KIAA1328: variants seen among roughly 807,000 people sequenced by gnomAD.
The protein encoded by KIAA1328 is KIAA1328, also known as protein hinderin.
KIAA1328 carries 52 observed loss-of-function variants against 68.1 expected under a neutral mutation model. The ratio of observed to expected loss-of-function variants is 0.76; its 90% CI spans 0.61 to 0.96. The LOEUF is 0.96. Ranked by LOEUF, KIAA1328 falls within the 40% of genes least tolerant of loss-of-function variation. The pLI is 0.00. For missense variants in KIAA1328, 641 were observed against 677.6 expected (o/e 0.95, Z 0.60); for synonymous variants, 232 against 239.4 (o/e 0.97, Z 0.28).
At chr18:37,012,255 C>A (rs2054004453) in intron 6 of KIAA1328, among the ~76,000 whole-genome samples, 1 of 152,098 alleles carries the variant, frequency 6.6e-6, no homozygotes, top group Admixed American at 6.6e-5. Flanking sequence ...TTTCTGAACA[C>A]CCAGGAAACT....
intron 7 of KIAA1328, among the ~76,000 whole-genome samples, chr18:37,104,185 G>T (rs752987358): frequency 2.0e-5 from 3 of 152,128 alleles, no homozygotes; most frequent in Non-Finnish European, 4.4e-5. Flanking sequence ...CCAAAGGAAA[G>T]GAAATCAGTT....
intron 6 of KIAA1328, among the ~76,000 whole-genome samples, chr18:37,035,542 G>T (rs956211580): frequency 1.3e-5 from 2 of 152,112 alleles, no homozygotes; most frequent in African/African-American, 4.8e-5. Flanking sequence ...GGGCAGATAG[G>T]ATTAGAAATA....
At chr18:36,986,240 A>G (rs2052918463) in intron 6 of KIAA1328, among the ~76,000 whole-genome samples, 1 of 152,142 alleles carries the variant, frequency 6.6e-6, no homozygotes, top group Admixed American at 6.5e-5. Context: ...ATATCTATAT[A>G]ATGGAAAACT....
chr18:36,923,617 C>T (rs569898516), intron 5 of KIAA1328, among the ~76,000 whole-genome samples: 6 of 152,108 alleles, frequency 3.9e-5, no homozygotes, highest in African/African-American at 9.6e-5. Flanking sequence ...AACCAGCAAG[C>T]GAAGTGTAAA....
chr18:37,107,480 C>T (rs1038686697), intron 7 of KIAA1328, among the ~76,000 whole-genome samples: 1 of 152,102 alleles, frequency 6.6e-6, no homozygotes, highest in Non-Finnish European at 1.5e-5. Flanking sequence ...TTGATCCTTC[C>T]AGCCCATGAG....
chr18:37,172,918 C>A, intron 8 of KIAA1328, 55 bp from the exon 9 acceptor site: 1 of 1,348,894 alleles, frequency 7.4e-7, no homozygotes, highest in South Asian at 1.2e-5. Flanking sequence ...TAAGAGTGAA[C>A]TTTTCCATTT....
chr18:36,875,337 T>C (rs1365264326), intron 4 of KIAA1328, among the ~76,000 whole-genome samples: 2 of 152,226 alleles, frequency 1.3e-5, no homozygotes, highest in African/African-American at 4.8e-5. Flanking sequence ...TCCTTTCTTA[T>C]TTCCTTGAGC....
At chr18:37,001,559 C>T (rs2590853) in intron 6 of KIAA1328, among the ~76,000 whole-genome samples, 111,400 of 152,104 alleles carry the variant, frequency 0.73, 43,944 homozygotes, top group South Asian at 0.89. Context: ...TTTAGACATA[C>T]ACAAAAAGAA....
chr18:36,883,768 G>C (rs1037114679), intron 4 of KIAA1328, among the ~76,000 whole-genome samples: 2 of 151,770 alleles, frequency 1.3e-5, no homozygotes, highest in South Asian at 4.2e-4. Context: ...ACTTTGTTTT[G>C]CATTTCTGTA....
chr18:37,051,712 T>G (rs1479043020), intron 6 of KIAA1328, among the ~76,000 whole-genome samples: 1 of 152,118 alleles, frequency 6.6e-6, no homozygotes. Context: ...AACCATTATC[T>G]TCCTGATACC....
At chr18:37,059,970 A>T (rs1393774480) in intron 6 of KIAA1328, among the ~76,000 whole-genome samples, 2 of 151,338 alleles carry the variant, frequency 1.3e-5, no homozygotes, top group Non-Finnish European at 1.5e-5. Context: ...GTTCTCACTC[A>T]TAACTGGGAG....
At chr18:37,141,046 T>C (rs931519764) in intron 7 of KIAA1328, among the ~76,000 whole-genome samples, 3 of 152,190 alleles carry the variant, frequency 2.0e-5, no homozygotes, top group Non-Finnish European at 4.4e-5. Flanking sequence ...TTAAAAGTTC[T>C]TTGGTGAAAG....
intron 5 of KIAA1328, among the ~76,000 whole-genome samples, chr18:36,922,614 T>A (rs189900949): frequency 6.6e-6 from 1 of 152,324 alleles, no homozygotes; most frequent in Admixed American, 6.5e-5. Context: ...GGCTGGCCTA[T>A]GAATGCCATT....
chr18:37,160,498 G>A (rs2059255818), intron 8 of KIAA1328, 117 bp downstream of exon 8: 1 of 861,898 alleles, frequency 1.2e-6, no homozygotes. Flanking sequence ...TTTACACACT[G>A]AAGTGTGCCT....
intron 4 of KIAA1328, among the ~76,000 whole-genome samples, chr18:36,885,041 TC>T (rs1204088028): frequency 6.6e-6 from 1 of 152,118 alleles, no homozygotes; most frequent in Non-Finnish European, 1.5e-5. Flanking sequence ...TTTTATTTAA[TC>T]ATACTATTTA....
chr18:36,949,597 T>TCCCCCCCC (rs71168248), intron 5 of KIAA1328, among the ~76,000 whole-genome samples: 78 of 57,334 alleles, frequency 1.4e-3, no homozygotes, highest in African/African-American at 2.0e-3. Context: ...TCTACCCAGC[T>TCCCCCCCC]CCCCCCCCCC....
chr18:36,858,978 C>T (rs2047470258), intron 4 of KIAA1328, among the ~76,000 whole-genome samples: 1 of 152,108 alleles, frequency 6.6e-6, no homozygotes, highest in Non-Finnish European at 1.5e-5. Flanking sequence ...ATTCCAGTAC[C>T]ACTTATTAAG....
intron 5 of KIAA1328, among the ~76,000 whole-genome samples, chr18:36,888,548 T>C (rs1225780264): frequency 6.6e-6 from 1 of 152,198 alleles, no homozygotes; most frequent in Admixed American, 6.5e-5. Flanking sequence ...TAAAATATTT[T>C]GGTTGGTAAA....
At chr18:37,090,919 G>T (rs563565273) in intron 7 of KIAA1328, among the ~76,000 whole-genome samples, 15 of 152,176 alleles carry the variant, frequency 9.9e-5, no homozygotes, top group African/African-American at 2.9e-4. Context: ...GGAGAACATC[G>T]GGGAGGAGGA....
Sources: allele counts gnomAD v4.1 joint callset (sites outside exome capture counted in the v4.1 genomes callset), GRCh38; gene constraint gnomAD v4.1.1; transcripts MANE v1.5; gene names NCBI Gene and HGNC (gene_info 2026-07-23, HGNC 2026-07-21).